The following PINK1 variants were observed in gnomAD, a reference collection of about 807,000 sequenced individuals.
PINK1 encodes PTEN induced kinase 1, also known as serine/threonine-protein kinase PINK1, mitochondrial.
A neutral mutation model predicts 56.0 loss-of-function variants in PINK1; 58 were observed. That is an observed-to-expected ratio of 1.04 (90% confidence interval 0.84 to 1.29). The LOEUF (loss-of-function observed/expected upper bound fraction) is 1.29, where lower values mean the gene tolerates loss of function less well. PINK1 is among the 50% of genes most tolerant of loss of function. PINK1 has a pLI of 0.00. For missense variants in PINK1, 745 were observed against 777.9 expected, an observed-to-expected ratio of 0.96 and a Z score of 0.50; for synonymous variants, 354 against 339.3, an observed-to-expected ratio of 1.04 and a Z score of -0.48.
rs10799656 is a variant in PINK1 at position 20,644,971 on chromosome 1, C to T, written c.959+299C>T. On this transcript the variant is annotated intron_variant, in intron 4 of 7. Transcript: ENST00000321556. ...ACTTATCTGTTTTTAACATAAAAACCGTTCTCCTTCCTCACCCTCTGTATC... is the reference window on the plus strand; with the variant it reads ...ACTTATCTGTTTTTAACATAAAAACTGTTCTCCTTCCTCACCCTCTGTATC... Among the ~76,000 whole-genome samples the T allele has an allele frequency of 0.24, 36,324 of 152,056 alleles. 4,510 individuals carry two copies. Among genetic ancestry groups the T allele is most frequent in the East Asian group, 0.37 (1,922 of 5,174 alleles).
Position 20,638,004 on chromosome 1 carries a change from G to T in PINK1, c.550G>T (p.Val184Leu), listed in dbSNP as rs759849441. Residue 184 changes from valine to leucine, a missense_variant, in exon 2 of 8, where the codon GTG becomes TTG. Coordinates refer to ENST00000321556, the MANE Select transcript of PINK1 (RefSeq NM_032409.3). Reference sequence around the variant, plus strand: ...GCCTACATTGCCCCAGAACCTGGAGGTGACAAAGAGCACCGGGTTGCTTCC... The same window carrying T: ...GCCTACATTGCCCCAGAACCTGGAGTTGACAAAGAGCACCGGGTTGCTTCC... The part of the protein sequence containing the change: ...TMPTLPQNLE[V>L]TKSTGLLPGR... The T allele has an allele frequency of 1.2e-6, 2 of 1,614,174 alleles. No homozygotes were observed.
At chr1:20,638,369 G>A in intron 2 of PINK1, 1 of 528,448 alleles carries the variant, frequency 1.9e-6, no homozygotes, top group South Asian at 2.1e-5. Context: ...GGCCAGGCCT[G>A]GTGGACCATG....
chr1:20,634,441 A>G (rs2053035062), intron 1 of PINK1, among the ~76,000 whole-genome samples: 1 of 152,198 alleles, frequency 6.6e-6, no homozygotes, highest in Non-Finnish European at 1.5e-5. Context: ...ACGGCGAGAA[A>G]AACAGTCCTA....
chr1:20,635,586 T>A (rs4258193), intron 1 of PINK1, among the ~76,000 whole-genome samples: 1 of 150,814 alleles, frequency 6.6e-6, no homozygotes, highest in Admixed American at 6.6e-5. Context: ...GGGTGGCTCA[T>A]GCCTGTAATC....
rs866070848 is a variant in PINK1, at chr1:20,641,358, C to T, written c.776+1366C>T. ...TTTTGTGGCATGAGTGGCAGCCGGC[C>T]GACGTGGTGCTGTCCTGCTGCCGGA... is the stretch of plus-strand genomic sequence containing the variant. On this transcript the variant is annotated intron_variant, in intron 3 of 7. Coordinates refer to ENST00000321556, the MANE Select transcript of PINK1 (RefSeq NM_032409.3). This position sits in a 1 kb window ranked among gnomAD's most constrained non-coding sequence, Gnocchi z 4.0. 3.3e-5 allele frequency among the ~76,000 whole-genome samples: 5 copies of T among 152,208 alleles called. No homozygotes were observed. The highest frequency in any genetic ancestry group is 1.3e-4 in the Admixed American group (2 of 15,286).
At position 20,633,945 on chromosome 1, in the gene PINK1, G is replaced by A. The variant is rs1233263770; in HGVS notation, c.387+10G>A. 3 of 1,581,756 alleles carry A rather than the reference G, an allele frequency of 1.9e-6. No homozygotes were observed. The highest frequency in any genetic ancestry group is 2.3e-5 in the South Asian group (2 of 87,328). ...CTGTCAGGAGATCCAGGTGAGCGGGGCCGGGTCCTAAGCCGAGCGGAGGAC... is the reference window on the plus strand; with the variant it reads ...CTGTCAGGAGATCCAGGTGAGCGGGACCGGGTCCTAAGCCGAGCGGAGGAC... On this transcript the variant is annotated intron_variant, in intron 1 of 7. Coordinates refer to ENST00000321556, the MANE Select transcript of PINK1 (RefSeq NM_032409.3).
intron 7 of PINK1, 125 bp from the exon 8 acceptor site, chr1:20,650,309 A>C: frequency 2.6e-5 from 33 of 1,276,854 alleles, no homozygotes; most frequent in Non-Finnish European, 3.4e-5. Flanking sequence ...GGGCATCAGT[A>C]GGAGATAGGG....
Position 20,649,037 on chromosome 1 carries a change from A to G in PINK1, c.1294A>G (p.Ser432Gly), listed in dbSNP as rs2053229491. The G allele has an allele frequency of 2.5e-6, 4 of 1,614,018 alleles. No homozygotes were observed. The East Asian group carries it at 8.9e-5, about 36-fold the overall frequency. Reference protein sequence around the residue: ...RPGPRAVIDYSKADAWAVGAI... With the variant: ...RPGPRAVIDYGKADAWAVGAI... ...TGGCCCCAGGGCAGTGATTGACTAC[A>G]GCAAGGCTGATGCCTGGGCAGTGGG... The change falls in exon 7 of 8, where the codon AGC becomes GGC. Residue 432 changes from serine to glycine, a missense_variant. Ser to Gly is a moderately conservative substitution (Grantham distance 56). Transcript: ENST00000321556.
At chr1:20,649,786 AG>A (rs2053242230) in intron 7 of PINK1, 2 of 151,148 alleles carry the variant, frequency 1.3e-5, no homozygotes, top group Admixed American at 1.2e-4. Flanking sequence ...AAAAAAAAAA[AG>A]GCTATTCAGA....
rs760845466 is a variant in PINK1 at position 20,645,727 on chromosome 1, G to C, written c.1123+4G>C. ...ATCCTTGTGGAGCTGGACCCAGGTA[G>C]GAACCTGCTGCACCATCAGAGCTCT... On this transcript the variant is annotated splice_donor_region_variant and intron_variant, in intron 5 of 7. Transcript: ENST00000321556. 1.9e-5 allele frequency: 30 copies of C among 1,614,000 alleles called. No individual in the cohort carries two copies. The highest frequency in any genetic ancestry group is 2.5e-5 in the Non-Finnish European group (29 of 1,180,036).
intron 1 of PINK1, among the ~76,000 whole-genome samples, chr1:20,634,312 C>A (rs1279833209): frequency 6.6e-6 from 1 of 152,182 alleles, no homozygotes; most frequent in Non-Finnish European, 1.5e-5. Context: ...GGTGAAGGGA[C>A]TTGCTCGAAG....
At chr1:20,638,366 C>T (rs554885710) in intron 2 of PINK1, 11 of 538,366 alleles carry the variant, frequency 2.0e-5, no homozygotes, top group African/African-American at 1.9e-4. Context: ...TTTGGCCAGG[C>T]CTGGTGGACC....
Position 20,641,726 on chromosome 1 carries a change from G to A in PINK1, c.776+1734G>A, listed in dbSNP as rs565661574. 9.2e-5 allele frequency among the ~76,000 whole-genome samples: 14 copies of A among 152,018 alleles called. No individual in the cohort carries two copies. The highest frequency in any genetic ancestry group is 1.9e-4 in the African/African-American group (8 of 41,376). On this transcript the variant is annotated intron_variant, in intron 3 of 7. Coordinates refer to ENST00000321556, the MANE Select transcript of PINK1 (RefSeq NM_032409.3). The surrounding 1 kb of genome is among the most constrained non-coding windows in gnomAD (Gnocchi z 4.0). Reference sequence around the variant, plus strand: ...GCGCTTAACCTGCTCATCTCACCACGTCTCCCGCCTTATCTCTCACCCTTC... The same window carrying A: ...GCGCTTAACCTGCTCATCTCACCACATCTCCCGCCTTATCTCTCACCCTTC...
chr1:20,642,479 G>A (rs1239150377), intron 3 of PINK1, among the ~76,000 whole-genome samples: 4 of 152,184 alleles, frequency 2.6e-5, no homozygotes, highest in African/African-American at 7.2e-5. Context: ...CCAACTCATG[G>A]GTCCCCTGTG....
At chr1:20,640,600 G>A (rs1452631201) in intron 3 of PINK1, among the ~76,000 whole-genome samples, 1 of 152,194 alleles carries the variant, frequency 6.6e-6, no homozygotes, top group Non-Finnish European at 1.5e-5. Flanking sequence ...TACTTGGGCA[G>A]AGGAGTAGGG....
At chr1:20,634,375 G>A (rs2053033557) in intron 1 of PINK1, among the ~76,000 whole-genome samples, 1 of 152,168 alleles carries the variant, frequency 6.6e-6, no homozygotes, top group Admixed American at 6.5e-5. Context: ...GGCTGCCTCC[G>A]CCGTTTAACC....
chr1:20,637,775 C>T, intron 1 of PINK1, 67 bp from the exon 2 acceptor site: 1 of 1,511,042 alleles, frequency 6.6e-7, no homozygotes, highest in Non-Finnish European at 9.2e-7. Flanking sequence ...TCTCTGCCTC[C>T]CCTGTTTCCC....
At chr1:20,644,747 C>T (rs762565299) in intron 4 of PINK1, 75 bp downstream of exon 4, 124 of 1,551,854 alleles carry the variant, frequency 8.0e-5, no homozygotes, top group Middle Eastern at 2.0e-4. Context: ...CCTCCATGTG[C>T]ACCTTGATCA....
chr1:20,644,756 C>G (rs1570404125), intron 4 of PINK1, 84 bp downstream of exon 4: 4 of 1,529,188 alleles, frequency 2.6e-6, no homozygotes, highest in East Asian at 4.6e-5. Context: ...GCACCTTGAT[C>G]AGGGGGTTTT....
Sources: allele counts gnomAD v4.1 joint callset (sites outside exome capture counted in the v4.1 genomes callset), GRCh38; gene constraint gnomAD v4.1.1; non-coding constraint Gnocchi (gnomAD v3.1); transcripts MANE v1.5; gene names NCBI Gene and HGNC (gene_info 2026-07-23, HGNC 2026-07-21).